Variants in SULF1 observed in about 807,000 individuals in gnomAD.
The protein encoded by SULF1 is sulfatase 1.
A neutral mutation model predicts 110.5 loss-of-function variants in SULF1; 46 were observed. The observed-to-expected ratio is 0.42, with a 90% confidence interval of 0.33 to 0.53. The LOEUF (loss-of-function observed/expected upper bound fraction) is 0.53, where lower values mean the gene tolerates loss of function less well. Among genes scored for constraint, SULF1 ranks in the 20% least tolerant of loss-of-function variants. The pLI is 0.12. For synonymous variants in SULF1, 371 were observed against 387.1 expected (o/e 0.96, Z 0.49); for missense variants, 941 against 1,094.2 (o/e 0.86, Z 1.98).
At chr8:69,649,356 G>A (rs1211547027) in intron 22 of SULF1, among the ~76,000 whole-genome samples, 1 of 151,954 alleles carries the variant, frequency 6.6e-6, no homozygotes, top group Non-Finnish European at 1.5e-5. Flanking sequence ...TGCTTTAGGA[G>A]GTATTTCCGT....
rs112280083 is a variant in SULF1, at chr8:69,468,835, T to C, written c.-391+1885T>C. Among the ~76,000 whole-genome samples the C allele has an allele frequency of 4.0e-3, 613 of 152,274 alleles. 6 individuals carry two copies. Among genetic ancestry groups the C allele is most frequent in the African/African-American group, 0.014 (578 of 41,542 alleles). On this transcript the variant is annotated intron_variant, in intron 1 of 22. Transcript: ENST00000260128. ...ACAGATCGGATTTTCCTCCCTGAGA[T>C]GTGGCATGATGGCATCTAACAGAGG...
At chr8:69,535,353 T>A (rs1447914611) in intron 3 of SULF1, among the ~76,000 whole-genome samples, 1 of 152,196 alleles carries the variant, frequency 6.6e-6, no homozygotes, top group Non-Finnish European at 1.5e-5. Context: ...CTGAGTGACC[T>A]GGCGTTGGGC....
At chr8:69,564,432 C>A (rs992946365) in intron 5 of SULF1, among the ~76,000 whole-genome samples, 1 of 152,080 alleles carries the variant, frequency 6.6e-6, no homozygotes, top group Non-Finnish European at 1.5e-5. Context: ...GGATTGAAAG[C>A]CCTCAGTTAA....
chr8:69,560,676 C>T (rs1261104668), intron 3 of SULF1, among the ~76,000 whole-genome samples: 1 of 152,226 alleles, frequency 6.6e-6, no homozygotes, highest in Non-Finnish European at 1.5e-5. Flanking sequence ...AACATTGCAT[C>T]CTTGTCTCTT....
At chr8:69,496,278 T>C (rs1016122433) in intron 2 of SULF1, among the ~76,000 whole-genome samples, 24 of 152,218 alleles carry the variant, frequency 1.6e-4, no homozygotes, top group Non-Finnish European at 1.2e-4. Context: ...TCAACACATT[T>C]AAAAACAGAT....
chr8:69,496,762 G>T (rs906839204), intron 2 of SULF1, among the ~76,000 whole-genome samples: 3 of 152,206 alleles, frequency 2.0e-5, no homozygotes, highest in Non-Finnish European at 2.9e-5. Flanking sequence ...CCGACATAAT[G>T]ATTTACTCCC....
chr8:69,581,149 T>G (rs1227688934), intron 6 of SULF1, among the ~76,000 whole-genome samples: 1 of 152,200 alleles, frequency 6.6e-6, no homozygotes, highest in Non-Finnish European at 1.5e-5. Context: ...GAAACCAGAC[T>G]GCTGTATACA....
At chr8:69,554,985 A>G (rs1299379414) in intron 3 of SULF1, among the ~76,000 whole-genome samples, 31 of 103,434 alleles carry the variant, frequency 3.0e-4, no homozygotes, top group Non-Finnish European at 5.6e-4. Flanking sequence ...TCTCAAAAAA[A>G]AAAAAAAAAA....
intron 7 of SULF1, among the ~76,000 whole-genome samples, chr8:69,588,670 C>T (rs773529740): frequency 3.9e-5 from 6 of 152,122 alleles, no homozygotes; most frequent in Non-Finnish European, 7.3e-5. Flanking sequence ...ACTTTTATCG[C>T]CAGATTAATC....
intron 3 of SULF1, among the ~76,000 whole-genome samples, chr8:69,547,194 G>T (rs1439004363): frequency 6.6e-6 from 1 of 152,004 alleles, no homozygotes; most frequent in Non-Finnish European, 1.5e-5. Context: ...GTGGGGTGGG[G>T]TGGGGGAGGA....
chr8:69,616,851 C>A (rs548443466), intron 13 of SULF1, among the ~76,000 whole-genome samples: 1 of 152,170 alleles, frequency 6.6e-6, no homozygotes, highest in Admixed American at 6.5e-5. Context: ...CCACACCCGG[C>A]CTCAAGAATA....
At chr8:69,468,285 T>C (rs990006574) in intron 1 of SULF1, among the ~76,000 whole-genome samples, 3 of 152,228 alleles carry the variant, frequency 2.0e-5, no homozygotes, top group Non-Finnish European at 4.4e-5. Context: ...GTAGGTTGAA[T>C]AACAGGATTT....
At chr8:69,481,286 T>G (rs1451137265) in intron 1 of SULF1, among the ~76,000 whole-genome samples, 1 of 152,172 alleles carries the variant, frequency 6.6e-6, no homozygotes, top group Non-Finnish European at 1.5e-5. Context: ...TACAACTTCT[T>G]ATGAAAGTGT....
rs910484995 is a variant in SULF1, at chr8:69,658,774, G to T, written c.*239G>T. 7.7e-6 allele frequency: 5 copies of T among 648,778 alleles called. No homozygotes were observed. The highest frequency in any genetic ancestry group is 1.4e-5 in the Non-Finnish European group (5 of 350,496). 40.2% of individuals were successfully genotyped at this position (648,778 alleles called of 1,614,324 possible). A position where few individuals can be genotyped will look rare whatever the true frequency, so the allele number is the denominator to read the frequency against. On this transcript the variant is annotated 3_prime_UTR_variant, in exon 23 of 23. Transcript: ENST00000402687. ...CTTGGTTGTCTCTGCTGAGCACGCT[G>T]TGTCAATGGAGATGGCCTCTGCTGA...
chr8:69,637,140 C>T (rs538055277), intron 19 of SULF1, among the ~76,000 whole-genome samples: 159 of 152,300 alleles, frequency 1.0e-3, no homozygotes, highest in Non-Finnish European at 1.8e-3. Context: ...AGCTTTTTCA[C>T]CTTTCTGATT....
chr8:69,537,294 A>G (rs1304495495), intron 3 of SULF1, among the ~76,000 whole-genome samples: 1 of 152,168 alleles, frequency 6.6e-6, no homozygotes, highest in Non-Finnish European at 1.5e-5. Flanking sequence ...GGTTTGTTGA[A>G]TGAATGCCAG....
chr8:69,537,964 C>CTT (rs746746718), intron 3 of SULF1, among the ~76,000 whole-genome samples: 4 of 141,930 alleles, frequency 2.8e-5, no homozygotes, highest in Non-Finnish European at 6.2e-5. Context: ...ATTTCAAATC[C>CTT]TTTTTTTTTT....
intron 2 of SULF1, 93 bp downstream of exon 2, chr8:69,496,019 G>A (rs1742067051): frequency 1.3e-5 from 2 of 152,228 alleles, no homozygotes; most frequent in Admixed American, 1.3e-4. Context: ...CAGGCAGGAA[G>A]CTGTGACTTT....
rs150064698 is a variant in SULF1, at chr8:69,646,570, G to C, written c.2585+5729G>C. Among the ~76,000 whole-genome samples, 720 of 151,974 alleles carry C rather than the reference G, an allele frequency of 4.7e-3. 5 individuals carry two copies. Among genetic ancestry groups the C allele is most frequent in the African/African-American group, 0.017 (686 of 41,464 alleles). On this transcript the variant is annotated intron_variant, in intron 22 of 22. Transcript: ENST00000402687. The stretch of plus-strand genomic sequence containing the variant: ...GCCTCCCAGGTAGCTGGGATTACAG[G>C]TGCCTGCCACCACACCCAGCTTATT...
Sources: allele counts gnomAD v4.1 joint callset (sites outside exome capture counted in the v4.1 genomes callset), GRCh38; gene constraint gnomAD v4.1.1; transcripts MANE v1.5; gene names NCBI Gene and HGNC (gene_info 2026-07-23, HGNC 2026-07-21).